The following CDH12 variants were observed in gnomAD, a reference collection of about 807,000 sequenced individuals.
CDH12 encodes cadherin 12.
Under a neutral mutation model 74.1 loss-of-function variants are expected in CDH12, and 41 were observed. The observed-to-expected ratio is 0.55, with a 90% CI of 0.43 to 0.72. The LOEUF is 0.72. Among genes scored for constraint, CDH12 ranks in the 30% least tolerant of loss-of-function variants. CDH12 has a pLI of 0.00. For missense variants in CDH12, 945 were observed against 977.2 expected, an observed-to-expected ratio of 0.97 and a Z score of 0.44; for synonymous variants, 399 against 355.0, an observed-to-expected ratio of 1.12 and a Z score of -1.39.
chr5:22,068,449 C>A (rs1189615099), intron 5 of CDH12, among the ~76,000 whole-genome samples: 1 of 152,180 alleles, frequency 6.6e-6, no homozygotes, highest in East Asian at 1.9e-4. Context: ...GCAGTGACTG[C>A]AAACCCTCTC....
intron 1 of CDH12, among the ~76,000 whole-genome samples, chr5:22,696,339 C>G (rs1008320466): frequency 7.0e-6 from 1 of 142,814 alleles, no homozygotes; most frequent in Admixed American, 7.1e-5. Flanking sequence ...CCACTGCACT[C>G]CAGCCTGGGC....
At chr5:21,875,053 G>C (rs1236201180) in intron 6 of CDH12, among the ~76,000 whole-genome samples, 10 of 152,194 alleles carry the variant, frequency 6.6e-5, no homozygotes. Flanking sequence ...AGTCAGAATG[G>C]TGATTATTAA....
At chr5:21,770,645 G>A (rs116476161) in intron 11 of CDH12, among the ~76,000 whole-genome samples, 4,320 of 151,568 alleles carry the variant, frequency 0.029, 69 homozygotes, top group Middle Eastern at 0.038. Context: ...GTTAAAATTC[G>A]GTATTGTGAT....
chr5:21,816,074 C>T (rs1277317584), intron 9 of CDH12, among the ~76,000 whole-genome samples: 3 of 152,006 alleles, frequency 2.0e-5, no homozygotes, highest in African/African-American at 7.2e-5. Flanking sequence ...ATTTAAAATA[C>T]AGTTGACTCC....
At chr5:22,586,259 G>A (rs1239926557) in intron 1 of CDH12, among the ~76,000 whole-genome samples, 1 of 151,968 alleles carries the variant, frequency 6.6e-6, no homozygotes, top group African/African-American at 2.4e-5. Context: ...AACACCGCAT[G>A]CTCTCACTCA....
chr5:21,797,215 A>T (rs926453530), intron 10 of CDH12, among the ~76,000 whole-genome samples: 15 of 151,746 alleles, frequency 9.9e-5, no homozygotes, highest in African/African-American at 3.4e-4. Context: ...ATGATGATGA[A>T]GATGATGAAG....
At chr5:22,131,032 C>T (rs1201486565) in intron 4 of CDH12, among the ~76,000 whole-genome samples, 3 of 151,954 alleles carry the variant, frequency 2.0e-5, no homozygotes, top group Non-Finnish European at 4.4e-5. Flanking sequence ...CTTATTATTG[C>T]TTAGTGTATC....
intron 4 of CDH12, among the ~76,000 whole-genome samples, chr5:22,189,748 T>A (rs1303225152): frequency 1.3e-5 from 2 of 152,078 alleles, no homozygotes; most frequent in Non-Finnish European, 2.9e-5. Context: ...TTAAAAAAAA[T>A]TCCTATTTTT....
chr5:22,464,275 T>A (rs1377137411), intron 2 of CDH12, among the ~76,000 whole-genome samples: 1 of 152,170 alleles, frequency 6.6e-6, no homozygotes, highest in Non-Finnish European at 1.5e-5. Flanking sequence ...TTTTCCTGTA[T>A]AAATTGCCCA....
rs573920830 is a variant in CDH12, at chr5:22,004,186, G to C, written c.232-28801C>G. The stretch of plus-strand genomic sequence containing the variant: ...AGCCACCCATTAATTTCTTACCTCT[G>C]TTCATTATTAAGCAGAACACATATG... On this transcript the variant is annotated intron_variant, in intron 5 of 14. Transcript: ENST00000382254. Among the ~76,000 whole-genome samples the C allele has an allele frequency of 5.9e-5, 9 of 152,220 alleles. 1 individual carries two copies. Among genetic ancestry groups the C allele is most frequent in the Admixed American group, 3.3e-4 (5 of 15,288 alleles).
Position 22,089,856 on chromosome 5 carries a change from A to T in CDH12, c.-186-10994T>A, listed in dbSNP as rs1217206029. ...AAGAATAAAGTATAGGGAAATTTTA[A>T]AAAAATGAGATTAATTAAAACTAGA... On this transcript the variant is annotated intron_variant, in intron 4 of 14. Transcript: ENST00000382254. Among the ~76,000 whole-genome samples the T allele has an allele frequency of 4.6e-5, 3 of 65,122 alleles. No homozygotes were observed. The East Asian group carries it at 8.0e-4, about 17-fold the overall frequency. 42.7% of individuals were successfully genotyped at this position (65,122 alleles called of 152,430 possible). A position where few individuals can be genotyped will look rare whatever the true frequency, so the allele number is the denominator to read the frequency against.
At chr5:22,517,516 T>G (rs922827455) in intron 1 of CDH12, among the ~76,000 whole-genome samples, 12 of 152,178 alleles carry the variant, frequency 7.9e-5, no homozygotes, top group African/African-American at 2.9e-4. Flanking sequence ...TAAACTTTGG[T>G]AAAGTAAATG....
At chr5:22,129,917 AT>A (rs1191235315) in intron 4 of CDH12, among the ~76,000 whole-genome samples, 1 of 152,196 alleles carries the variant, frequency 6.6e-6, no homozygotes, top group East Asian at 1.9e-4. Context: ...TGAAAAACAC[AT>A]TAAAAAATCC....
At chr5:22,271,640 T>C (rs978301029) in intron 3 of CDH12, among the ~76,000 whole-genome samples, 1 of 152,180 alleles carries the variant, frequency 6.6e-6, no homozygotes, top group Non-Finnish European at 1.5e-5. Context: ...ATAATAAGAC[T>C]TTGAAGTCGA....
chr5:22,362,036 T>A (rs894440868), intron 3 of CDH12, among the ~76,000 whole-genome samples: 2 of 152,058 alleles, frequency 1.3e-5, no homozygotes, highest in African/African-American at 4.8e-5. Context: ...ACTTAATGTC[T>A]AAAACACCAA....
chr5:22,155,847 C>T lies in CDH12; in HGVS notation c.-187+56651G>A, dbSNP rs1210113499. Among the ~76,000 whole-genome samples, 3 of 151,980 alleles carry T rather than the reference C, an allele frequency of 2.0e-5. 1 individual carries two copies. The highest frequency in any genetic ancestry group is 2.0e-4 in the Admixed American group (3 of 15,214). The stretch of plus-strand genomic sequence containing the variant: ...TGGTTTATGGACTAGAATTCTATGC[C>T]TTCTAGAAGCAGAAAATATGCAACG... On this transcript the variant is annotated intron_variant, in intron 4 of 14. Transcript: ENST00000382254.
At chr5:21,875,895 C>CTTT (rs1181451635) in intron 6 of CDH12, among the ~76,000 whole-genome samples, 1 of 60,412 alleles carries the variant, frequency 1.7e-5, no homozygotes. Flanking sequence ...TCTTTGCGGG[C>CTTT]ATTTTTTTTT....
chr5:22,389,494 T>C (rs1249695106), intron 3 of CDH12, among the ~76,000 whole-genome samples: 1 of 152,170 alleles, frequency 6.6e-6, no homozygotes, highest in Non-Finnish European at 1.5e-5. Context: ...GAAGTCTTTA[T>C]TATTTTACTT....
chr5:22,325,193 C>T (rs894471347), intron 3 of CDH12, among the ~76,000 whole-genome samples: 6 of 152,078 alleles, frequency 3.9e-5, no homozygotes, highest in African/African-American at 1.4e-4. Context: ...TACTTATATA[C>T]AAATGATGTT....
Sources: gnomAD v4.1 joint callset for allele counts (sites outside exome capture counted in the v4.1 genomes callset) on GRCh38, gnomAD v4.1.1 for gene constraint, MANE v1.5 for transcripts, NCBI Gene and HGNC (gene_info 2026-07-23, HGNC 2026-07-21) for gene names.